XKR6: variants seen among roughly 807,000 people sequenced by gnomAD.
The protein encoded by XKR6 is XK-related protein 6.
In XKR6, 22 loss-of-function variants were observed where a neutral mutation model predicts 56.7. The ratio of observed to expected loss-of-function variants is 0.39; its 90% CI spans 0.28 to 0.55. The LOEUF (loss-of-function observed/expected upper bound fraction) is 0.55, where lower values mean the gene tolerates loss of function less well. XKR6 is among the 20% of genes least tolerant of loss of function. The pLI is 0.66. For missense variants in XKR6, 852 were observed against 889.0 expected (o/e 0.96, Z 0.53); for synonymous variants, 524 against 387.8 (o/e 1.35, Z -4.13).
chr8:11,022,048 A>G (rs187400698), intron 1 of XKR6, among the ~76,000 whole-genome samples: 3 of 151,292 alleles, frequency 2.0e-5, no homozygotes, highest in South Asian at 4.2e-4. Flanking sequence ...ACTGGCCTGA[A>G]GGAGTTCATG....
intron 1 of XKR6, among the ~76,000 whole-genome samples, chr8:11,059,951 A>G (rs1456682912): frequency 6.6e-6 from 1 of 152,232 alleles, no homozygotes; most frequent in Non-Finnish European, 1.5e-5. Flanking sequence ...TCTAAGTCCA[A>G]TAGCTCGCCC....
At position 11,200,719 on chromosome 8, in the gene XKR6, C is replaced by T. The variant is rs1772317647; in HGVS notation, c.621G>A (p.Met207Ile). The T allele has an allele frequency of 6.3e-7, 1 of 1,589,412 alleles. No homozygotes were observed. The highest frequency in any genetic ancestry group is 8.5e-7 in the Non-Finnish European group (1 of 1,172,024). The change falls in exon 1 of 3, where the codon ATG (methionine) becomes ATA (isoleucine). Residue 207 changes from methionine to isoleucine, a missense_variant. Transcript: ENST00000416569. The surrounding 1 kb of genome is among the most constrained non-coding windows in gnomAD (Gnocchi z 6.4). ...CCGCGCCGTGGACGTAGCCGGCCCC[C>T]ATCATGGGGGGGCCCCGGCTGGTGA... is the stretch of plus-strand genomic sequence containing the variant. ...EGLTSRGPPM[M>I]GAGYVHGAAR...
chr8:11,094,193 C>T (rs1798186412), intron 1 of XKR6, among the ~76,000 whole-genome samples: 1 of 151,768 alleles, frequency 6.6e-6, no homozygotes, highest in South Asian at 2.1e-4. Context: ...TTCCATAAGC[C>T]CACAAACTTA....
At chr8:11,089,579 G>C (rs1216814578) in intron 1 of XKR6, among the ~76,000 whole-genome samples, 2 of 152,316 alleles carry the variant, frequency 1.3e-5, no homozygotes, top group Middle Eastern at 3.4e-3. Flanking sequence ...CGAGGCTGCA[G>C]TGAGCTATGA....
Position 10,972,079 on chromosome 8 carries a change from T to C in XKR6, c.765-47249A>G, listed in dbSNP as rs373221698. 5.9e-5 allele frequency among the ~76,000 whole-genome samples: 9 copies of C among 152,314 alleles called. No homozygotes were observed. The East Asian group carries it at 7.7e-4, about 13-fold the overall frequency. ...TCGGACCTGTTGTTAAATATTTCTG[T>C]TGCGAGTGCCAATCGCCTCTGGCTG... On this transcript the variant is annotated intron_variant, in intron 1 of 2. Coordinates refer to ENST00000416569, the MANE Select transcript of XKR6 (RefSeq NM_173683.4).
At position 11,083,442 on chromosome 8, in the gene XKR6, G is replaced by A. The variant is rs557274386; in HGVS notation, c.764+117134C>T. Among the ~76,000 whole-genome samples the A allele has an allele frequency of 5.9e-5, 9 of 152,258 alleles. No homozygotes were observed. In the South Asian group the frequency reaches 6.2e-4, roughly 11 times the overall value. ...TCACCACTGCGCCCTCACACCGATC[G>A]CCCCTGGGACTTGACAGGTGGCTGC... On this transcript the variant is annotated intron_variant, in intron 1 of 2. Transcript: ENST00000416569.
chr8:11,186,736 T>C (rs1803295613), intron 1 of XKR6, among the ~76,000 whole-genome samples: 2 of 152,144 alleles, frequency 1.3e-5, no homozygotes, highest in Admixed American at 1.3e-4. Flanking sequence ...TTCCTTTCTC[T>C]GACTGAATGC....
chr8:11,190,894 A>T (rs968780069), intron 1 of XKR6, among the ~76,000 whole-genome samples: 4 of 152,180 alleles, frequency 2.6e-5, no homozygotes, highest in African/African-American at 9.7e-5. Context: ...AAGTGAGACT[A>T]TATATATAAA....
chr8:11,125,305 C>T (rs61135882), intron 1 of XKR6, among the ~76,000 whole-genome samples: 2,328 of 152,092 alleles, frequency 0.015, 82 homozygotes, highest in African/African-American at 0.052. Flanking sequence ...CATCTCCTTA[C>T]GTACAGAGAC....
At chr8:11,165,933 G>GTA (rs201774023) in intron 1 of XKR6, among the ~76,000 whole-genome samples, 13,240 of 146,250 alleles carry the variant, frequency 0.091, 1,623 homozygotes, top group African/African-American at 0.29. Context: ...ATACATTCAT[G>GTA]TATATATATA....
intron 2 of XKR6, among the ~76,000 whole-genome samples, chr8:10,910,580 C>G (rs1800322391): frequency 6.6e-6 from 1 of 152,200 alleles, no homozygotes; most frequent in African/African-American, 2.4e-5. Flanking sequence ...CACTGTGGCT[C>G]TCCTGGACCC....
chr8:10,998,405 C>T (rs372521549), intron 1 of XKR6, among the ~76,000 whole-genome samples: 5 of 152,296 alleles, frequency 3.3e-5, no homozygotes, highest in South Asian at 2.1e-4. Context: ...AACGAGTCTG[C>T]GTTTAAAAAT....
intron 1 of XKR6, among the ~76,000 whole-genome samples, chr8:10,986,697 A>G (rs1238360525): frequency 1.3e-5 from 2 of 152,184 alleles, no homozygotes; most frequent in Non-Finnish European, 2.9e-5. Flanking sequence ...GATCTAGACA[A>G]TATTCCTTTT....
chr8:11,035,309 C>G, intron 1 of XKR6: 1 of 534,786 alleles, frequency 1.9e-6, no homozygotes, highest in South Asian at 1.4e-5. Context: ...AAGCCATCTT[C>G]CTGCGTTGTG....
intron 1 of XKR6, among the ~76,000 whole-genome samples, chr8:11,000,511 C>T (rs950060078): frequency 2.6e-5 from 4 of 152,040 alleles, no homozygotes; most frequent in Admixed American, 1.3e-4. Context: ...CATGGTGAAA[C>T]CCCCGTCTAC....
At chr8:11,193,750 C>G (rs1047205801) in intron 1 of XKR6, among the ~76,000 whole-genome samples, 10 of 134,694 alleles carry the variant, frequency 7.4e-5, no homozygotes, top group East Asian at 2.6e-4. Flanking sequence ...CCCCCCCCCC[C>G]CACAAAAGAA....
intron 1 of XKR6, among the ~76,000 whole-genome samples, chr8:11,085,295 C>A (rs1274470637): frequency 6.6e-6 from 1 of 152,222 alleles, no homozygotes; most frequent in East Asian, 1.9e-4. Context: ...GAAGCACGTG[C>A]TCTCACTCAC....
rs1036752440 is a variant in XKR6, at chr8:11,200,741, G to C, written c.599C>G (p.Thr200Ser). The C allele has an allele frequency of 6.3e-6, 10 of 1,594,182 alleles. No individual in the cohort carries two copies. The African/African-American group carries it at 1.1e-4, about 18-fold the overall frequency. Reference sequence around the variant, plus strand: ...CCCCATCATGGGGGGGCCCCGGCTGGTGAGCCCCTCCACGGCGCCCAGCCC... The same window carrying C: ...CCCCATCATGGGGGGGCCCCGGCTGCTGAGCCCCTCCACGGCGCCCAGCCC... The part of the protein sequence containing the change: ...GGGLGAVEGL[T>S]SRGPPMMGAG... The change falls in exon 1 of 3, where the codon ACC becomes AGC. Residue 200 changes from threonine to serine, a missense_variant. Thr to Ser is a moderately conservative substitution (Grantham distance 58). Coordinates refer to ENST00000416569, the MANE Select transcript of XKR6 (RefSeq NM_173683.4). The surrounding 1 kb of genome is among the most constrained non-coding windows in gnomAD (Gnocchi z 6.4).
intron 1 of XKR6, chr8:11,123,565 TA>T (rs1315974534): frequency 7.4e-6 from 2 of 271,638 alleles, no homozygotes; most frequent in African/African-American, 4.4e-5. Context: ...AAACTGGAAC[TA>T]ATAGAAATAA....
Sources: gnomAD v4.1 joint callset for allele counts (sites outside exome capture counted in the v4.1 genomes callset) on GRCh38, gnomAD v4.1.1 for gene constraint, Gnocchi (gnomAD v3.1) non-coding constraint, MANE v1.5 for transcripts, NCBI Gene and HGNC (gene_info 2026-07-23, HGNC 2026-07-21) for gene names.